Variants in RALYL observed in about 807,000 individuals in gnomAD.
RALYL encodes RNA-binding Raly-like protein.
A neutral mutation model predicts 35.1 loss-of-function variants in RALYL; 29 were observed. The ratio of observed to expected loss-of-function variants is 0.83; its 90% CI spans 0.61 to 1.13. The LOEUF (loss-of-function observed/expected upper bound fraction) is 1.13. Among genes scored for constraint, RALYL ranks in the 50% most tolerant of loss-of-function variants. The pLI is 0.00. For synonymous variants in RALYL, 120 were observed against 127.6 expected (o/e 0.94, Z 0.40); for missense variants, 359 against 360.4 (o/e 1.00, Z 0.03).
At chr8:84,231,567 TC>T (rs772965297) in intron 1 of RALYL, among the ~76,000 whole-genome samples, 23 of 152,278 alleles carry the variant, frequency 1.5e-4, no homozygotes, top group Non-Finnish European at 2.8e-4. Context: ...TAAACATGAC[TC>T]CCGGTGAGGG....
intron 2 of RALYL, among the ~76,000 whole-genome samples, chr8:84,530,601 C>T (rs1255344665): frequency 6.6e-6 from 1 of 152,100 alleles, no homozygotes; most frequent in Non-Finnish European, 1.5e-5. Context: ...TGAAGGCCAT[C>T]TCATACAGCC....
At chr8:84,232,435 G>A (rs569288071) in intron 1 of RALYL, among the ~76,000 whole-genome samples, 1 of 152,178 alleles carries the variant, frequency 6.6e-6, no homozygotes, top group Admixed American at 6.5e-5. Flanking sequence ...TATCATTTTA[G>A]CCTATCCAAT....
chr8:84,534,114 A>T (rs2059444821), intron 2 of RALYL, among the ~76,000 whole-genome samples: 1 of 152,232 alleles, frequency 6.6e-6, no homozygotes, highest in Non-Finnish European at 1.5e-5. Context: ...TTTCTTTGTC[A>T]CCTGCAGACT....
intron 1 of RALYL, among the ~76,000 whole-genome samples, chr8:84,234,112 G>A (rs547777765): frequency 6.6e-6 from 1 of 152,060 alleles, no homozygotes; most frequent in East Asian, 1.9e-4. Flanking sequence ...AATATCATAA[G>A]GAAAAGCCAG....
chr8:84,737,450 T>C (rs1290522691), intron 2 of RALYL, among the ~76,000 whole-genome samples: 1 of 152,026 alleles, frequency 6.6e-6, no homozygotes, highest in Non-Finnish European at 1.5e-5. Context: ...ATAATCTATA[T>C]CTTGCAGGTT....
intron 1 of RALYL, among the ~76,000 whole-genome samples, chr8:84,523,790 T>C (rs1286529456): frequency 6.6e-6 from 1 of 151,782 alleles, no homozygotes; most frequent in Non-Finnish European, 1.5e-5. Flanking sequence ...CTTGCGATAG[T>C]TTACTGAGAA....
intron 5 of RALYL, among the ~76,000 whole-genome samples, chr8:84,858,431 A>C (rs1385925531): frequency 2.6e-5 from 4 of 152,166 alleles, no homozygotes; most frequent in Non-Finnish European, 4.4e-5. Context: ...CTGACCAAGA[A>C]ATATTAGGGA....
intron 3 of RALYL, among the ~76,000 whole-genome samples, chr8:84,782,440 T>A (rs6982287): frequency 1.3e-5 from 2 of 152,166 alleles, no homozygotes. Flanking sequence ...AAACCAAGCA[T>A]GGGATAGAAA....
rs575006919 is a variant in RALYL at position 84,357,159 on chromosome 8, A to T, written c.-23-172140A>T. On this transcript the variant is annotated intron_variant, in intron 1 of 8. Coordinates refer to ENST00000521268, the MANE Select transcript of RALYL (RefSeq NM_173848.7). ...AGAACAATTATTTGATAACACACTT[A>T]TGTCCCTTCACATTGTAGGATGACA... 2.6e-5 allele frequency among the ~76,000 whole-genome samples: 4 copies of T among 152,202 alleles called. No individual in the cohort carries two copies. In the South Asian group the frequency reaches 8.3e-4, roughly 32 times the overall value.
chr8:84,420,014 A>G (rs2045306851), intron 1 of RALYL, among the ~76,000 whole-genome samples: 1 of 150,980 alleles, frequency 6.6e-6, no homozygotes, highest in South Asian at 2.1e-4. Context: ...ATACGTGTGC[A>G]TGTGTCTTTA....
chr8:84,508,856 A>ACAG (rs1247275205), intron 1 of RALYL, among the ~76,000 whole-genome samples: 1 of 134,958 alleles, frequency 7.4e-6, no homozygotes, highest in East Asian at 2.1e-4. Flanking sequence ...AATAAAAACA[A>ACAG]TCTTTTCAAA....
chr8:84,866,960 G>A (rs979603973), intron 6 of RALYL, among the ~76,000 whole-genome samples: 4 of 152,120 alleles, frequency 2.6e-5, no homozygotes, highest in African/African-American at 4.8e-5. Context: ...ATTAGTTGGC[G>A]AGGGCTGCCA....
intron 7 of RALYL, among the ~76,000 whole-genome samples, chr8:84,884,071 T>A (rs1057471376): frequency 6.6e-6 from 1 of 152,060 alleles, no homozygotes; most frequent in Non-Finnish European, 1.5e-5. Flanking sequence ...TATCTCTTCA[T>A]GTGCAAGGCA....
chr8:84,295,580 A>G lies in RALYL; in HGVS notation c.-24+111156A>G, dbSNP rs188978308. 2.0e-5 allele frequency among the ~76,000 whole-genome samples: 3 copies of G among 152,216 alleles called. No homozygotes were observed. The East Asian group carries it at 5.8e-4, about 29-fold the overall frequency. On this transcript the variant is annotated intron_variant, in intron 1 of 8. Transcript: ENST00000521268. ...CTCCCAAAGTGCTGAAATTATAGGCATGAGCCACCCACCCAGCCTGAAGTG... is the reference window on the plus strand; with the variant it reads ...CTCCCAAAGTGCTGAAATTATAGGCGTGAGCCACCCACCCAGCCTGAAGTG...
chr8:84,577,141 A>G (rs1426103797), intron 2 of RALYL, among the ~76,000 whole-genome samples: 1 of 152,232 alleles, frequency 6.6e-6, no homozygotes, highest in East Asian at 1.9e-4. Flanking sequence ...GCCATCAGAC[A>G]AGCAGGCCAA....
chr8:84,658,388 C>A (rs1050744994), intron 2 of RALYL, among the ~76,000 whole-genome samples: 37 of 152,134 alleles, frequency 2.4e-4, no homozygotes, highest in African/African-American at 8.7e-4. Context: ...GTAAAGCTCT[C>A]CTTTCCAAAT....
At chr8:84,518,910 G>A (rs13261209) in intron 1 of RALYL, among the ~76,000 whole-genome samples, 54,425 of 151,962 alleles carry the variant, frequency 0.36, 9,936 homozygotes, top group South Asian at 0.51. Flanking sequence ...TTTCTCCTGT[G>A]GGCATGACAA....
At chr8:84,701,391 C>T (rs1289036547) in intron 2 of RALYL, among the ~76,000 whole-genome samples, 6 of 152,140 alleles carry the variant, frequency 3.9e-5, no homozygotes, top group African/African-American at 7.2e-5. Context: ...TGCATCTTTT[C>T]GGTTTTAATA....
chr8:84,502,783 A>G (rs908351593), intron 1 of RALYL, among the ~76,000 whole-genome samples: 34 of 152,024 alleles, frequency 2.2e-4, no homozygotes, highest in Non-Finnish European at 4.1e-4. Context: ...TTGGAATTTC[A>G]TCGAGTATTG....
Sources: allele counts gnomAD v4.1 joint callset (sites outside exome capture counted in the v4.1 genomes callset), GRCh38; gene constraint gnomAD v4.1.1; transcripts MANE v1.5; gene names NCBI Gene and HGNC (gene_info 2026-07-23, HGNC 2026-07-21).